The following UBR3 variants were observed in gnomAD, a reference collection of about 807,000 sequenced individuals.
UBR3 encodes the protein ubiquitin protein ligase E3 component n-recognin 3.
Under a neutral mutation model 243.2 loss-of-function variants are expected in UBR3, and 85 were observed. The observed-to-expected ratio is 0.35, with a 90% CI of 0.29 to 0.42. The LOEUF (loss-of-function observed/expected upper bound fraction) is 0.42, where lower values mean the gene tolerates loss of function less well. UBR3 is among the 10% of genes least tolerant of loss of function. The pLI is 1.00. For synonymous variants in UBR3, 748 were observed against 799.8 expected (o/e 0.94, Z 1.09); for missense variants, 1,686 against 2,300.8 (o/e 0.73, Z 5.47).
intron 1 of UBR3, among the ~76,000 whole-genome samples, chr2:169,862,123 T>A (rs1266056140): frequency 6.6e-6 from 1 of 152,232 alleles, no homozygotes; most frequent in African/African-American, 2.4e-5. Context: ...CTTAATAGTT[T>A]AATAGATTTT....
intron 19 of UBR3, among the ~76,000 whole-genome samples, chr2:169,936,628 C>T (rs1194733264): frequency 6.6e-6 from 1 of 151,972 alleles, no homozygotes; most frequent in Non-Finnish European, 1.5e-5. Context: ...CCCATTAACT[C>T]GTCATTTACA....
rs373102602 is a variant in UBR3, at chr2:169,879,865, A to G, written c.1038+1291A>G. ...ATATTGTTACAATGACAAATGGGAA[A>G]AATTTTCTGATATTTAAAATAGACT... On this transcript the variant is annotated intron_variant, in intron 5 of 38. Transcript: ENST00000272793. Among the ~76,000 whole-genome samples the G allele has an allele frequency of 4.6e-5, 7 of 152,190 alleles. No individual in the cohort carries two copies. In the East Asian group the frequency reaches 5.8e-4, roughly 13 times the overall value.
intron 5 of UBR3, among the ~76,000 whole-genome samples, chr2:169,884,246 C>T (rs929243467): frequency 6.6e-6 from 1 of 150,960 alleles, no homozygotes; most frequent in Admixed American, 6.6e-5. Context: ...AGTTCTGCCT[C>T]CCAGGTTCAC....
chr2:169,899,647 G>C (rs1290117088), intron 8 of UBR3, among the ~76,000 whole-genome samples: 1 of 152,022 alleles, frequency 6.6e-6, no homozygotes, highest in Non-Finnish European at 1.5e-5. Context: ...TCCTAATGCT[G>C]TTCCTCCCCC....
chr2:169,939,054 C>A (rs11893926), intron 19 of UBR3, among the ~76,000 whole-genome samples: 70,891 of 151,360 alleles, frequency 0.47, 18,482 homozygotes, highest in Non-Finnish European at 0.6. Flanking sequence ...CTTTATTTTA[C>A]GTTTATATTT....
chr2:169,880,741 T>G (rs940106463), intron 5 of UBR3, among the ~76,000 whole-genome samples: 15 of 152,182 alleles, frequency 9.9e-5, no homozygotes, highest in Non-Finnish European at 2.1e-4. Context: ...TCTGTCCTTT[T>G]TAGGTCCTCA....
chr2:169,859,464 A>G (rs570882928), intron 1 of UBR3, among the ~76,000 whole-genome samples: 222 of 152,236 alleles, frequency 1.5e-3, no homozygotes, highest in African/African-American at 5.1e-3. Context: ...GAAGAATTTC[A>G]GCCACTAATT....
In UBR3 at chr2:169,828,014, C is replaced by T. The variant is rs114153734; in HGVS notation, c.507C>T (p.Ala169=). ...TGTTCCGCAGCCAGGCCGGGGGCGC[C>T]TGCGACTGCGGGGACAGCAACGTGA... ...FNMFRSQAGG[A]CDCGDSNVMR... is the part of the protein sequence containing the mutation. The change falls in exon 1 of 39, where the codon GCC becomes GCT. Residue 169 remains alanine (A), a synonymous_variant. Transcript: ENST00000272793. 4.5e-3 allele frequency: 6,288 copies of T among 1,408,132 alleles called. 205 individuals carry two copies. The African/African-American group carries it at 0.077, about 17-fold the overall frequency. 87.2% of individuals were successfully genotyped at this position (1,408,132 alleles called of 1,614,324 possible). A position where few individuals can be genotyped will look rare whatever the true frequency, so the allele number is the denominator to read the frequency against.
intron 4 of UBR3, 124 bp downstream of exon 4, chr2:169,877,761 G>A: frequency 6.1e-6 from 6 of 986,082 alleles, no homozygotes; most frequent in South Asian, 1.9e-5. Flanking sequence ...TTCTTTTTAA[G>A]AAAAGTAATA....
intron 24 of UBR3, among the ~76,000 whole-genome samples, chr2:169,960,200 G>A (rs1479184962): frequency 4.7e-5 from 6 of 127,542 alleles, no homozygotes; most frequent in Non-Finnish European, 9.4e-5. Flanking sequence ...AGTGAGCCAA[G>A]ATCATGCCAT....
chr2:170,069,711 C>G (rs1324100112), intron 35 of UBR3, among the ~76,000 whole-genome samples: 1 of 146,278 alleles, frequency 6.8e-6, no homozygotes, highest in Non-Finnish European at 1.5e-5. Flanking sequence ...TAATGTCCTT[C>G]AGATTCATTC....
intron 10 of UBR3, among the ~76,000 whole-genome samples, chr2:169,912,994 G>A (rs2085313336): frequency 6.6e-6 from 1 of 152,104 alleles, no homozygotes; most frequent in Non-Finnish European, 1.5e-5. Flanking sequence ...CTGTGTCCCA[G>A]CTAGTCTTGA....
In UBR3 at chr2:170,073,388, G is replaced by C. The variant is rs765340810; in HGVS notation, c.5020-40G>C. Reference sequence around the variant, plus strand: ...CTTTTATGTAATAGGAAATGTTCTTGATGAAATATTTTCAGAATTTCCTAT... The same window carrying C: ...CTTTTATGTAATAGGAAATGTTCTTCATGAAATATTTTCAGAATTTCCTAT... On this transcript the variant is annotated intron_variant, in intron 35 of 38. Transcript: ENST00000272793. The C allele has an allele frequency of 2.5e-6, 4 of 1,605,330 alleles. 1 individual carries two copies. The Admixed American group carries it at 6.7e-5, about 27-fold the overall frequency.
intron 1 of UBR3, among the ~76,000 whole-genome samples, chr2:169,865,110 C>T (rs375396015): frequency 6.0e-5 from 9 of 150,908 alleles, no homozygotes; most frequent in African/African-American, 2.2e-4. Flanking sequence ...TTTTTTTGTT[C>T]TACTATTAAT....
intron 31 of UBR3, 76 bp from the exon 32 acceptor site, chr2:170,040,806 A>G (rs1430827679): frequency 1.6e-5 from 18 of 1,098,260 alleles, no homozygotes; most frequent in Non-Finnish European, 2.4e-5. Flanking sequence ...TTCCATAGAT[A>G]TATATGTGAC....
At position 169,896,663 on chromosome 2, in the gene UBR3, C is replaced by A; in HGVS notation, c.1393C>A (p.Gln465Lys). The A allele has an allele frequency of 6.4e-7, 1 of 1,551,288 alleles. No individual in the cohort carries two copies. The highest frequency in any genetic ancestry group is 1.2e-5 in the South Asian group (1 of 84,024). ...ELARQVTEEC[Q>K]LLDIMVTVLL... is the part of the protein sequence containing the mutation. ...AGCCAGACAGGTAACAGAAGAATGT[C>A]AGCTGCTGGATATTATGGTCACTGT... The change falls in exon 8 of 39, where the codon CAG becomes AAG. Residue 465 changes from glutamine to lysine, a missense_variant. Gln to Lys is a moderately conservative substitution (Grantham distance 53, BLOSUM62 1). Coordinates refer to ENST00000272793, the MANE Select transcript of UBR3 (RefSeq NM_172070.4).
Position 169,906,954 on chromosome 2 carries a change from A to T in UBR3, c.1779+790A>T, listed in dbSNP as rs114284106. Among the ~76,000 whole-genome samples, 1,188 of 150,444 alleles carry T rather than the reference A, an allele frequency of 7.9e-3. 13 individuals are homozygous for T. The highest frequency in any genetic ancestry group is 0.026 in the African/African-American group (1,064 of 40,926). On this transcript the variant is annotated intron_variant, in intron 10 of 38. Transcript: ENST00000272793. ...TATGTGTTTCTTTAAGTAGATTTAT[A>T]CTTTCTTTTGTTAGTTCAGCCATTC...
At chr2:169,892,326 C>T (rs1447071466) in intron 6 of UBR3, among the ~76,000 whole-genome samples, 1 of 152,132 alleles carries the variant, frequency 6.6e-6, no homozygotes, top group African/African-American at 2.4e-5. Flanking sequence ...GTCCTTGTGA[C>T]ACATCTGAGT....
intron 19 of UBR3, among the ~76,000 whole-genome samples, chr2:169,936,988 G>A (rs1475358103): frequency 1.3e-5 from 2 of 152,182 alleles, no homozygotes; most frequent in African/African-American, 4.8e-5. Flanking sequence ...ACATACATGT[G>A]CATGTGTCTT....
Sources: gnomAD v4.1 joint callset for allele counts (sites outside exome capture counted in the v4.1 genomes callset) on GRCh38, gnomAD v4.1.1 for gene constraint, MANE v1.5 for transcripts, NCBI Gene and HGNC (gene_info 2026-07-23, HGNC 2026-07-21) for gene names.